Variants in GCNT2 observed in about 807,000 individuals in gnomAD.
The protein encoded by GCNT2 is N-acetyllactosaminide beta-1,6-N-acetylglucosaminyl-transferase.
Under a neutral mutation model 34.2 loss-of-function variants are expected in GCNT2, and 34 were observed. The ratio of observed to expected loss-of-function variants is 1.00; its 90% CI spans 0.76 to 1.32. The LOEUF (loss-of-function observed/expected upper bound fraction) is 1.32. Ranked by LOEUF, GCNT2 falls within the 40% of genes most tolerant of loss-of-function variation. The pLI, the probability that GCNT2 is intolerant of heterozygous loss-of-function variation, is 0.00. For synonymous variants in GCNT2, 212 were observed against 188.0 expected, an observed-to-expected ratio of 1.13 and a Z score of -1.04; for missense variants, 584 against 489.4, an observed-to-expected ratio of 1.19 and a Z score of -1.82.
At chr6:10,529,958 TAAAA>T (rs200010522) in intron 3 of GCNT2, 122 bp downstream of exon 3, 9 of 794,424 alleles carry the variant, frequency 1.1e-5, no homozygotes, top group Non-Finnish European at 1.6e-5. Flanking sequence ...AATGTCAAAT[TAAAA>T]AAAAAATTTC....
chr6:10,605,662 C>T (rs1420939800), intron 3 of GCNT2, among the ~76,000 whole-genome samples: 7 of 152,208 alleles, frequency 4.6e-5, no homozygotes, highest in African/African-American at 1.7e-4. Flanking sequence ...CGCTGGTACA[C>T]ATGAAAGCTA....
At chr6:10,616,740 G>A (rs962364879) in intron 3 of GCNT2, among the ~76,000 whole-genome samples, 36 of 145,666 alleles carry the variant, frequency 2.5e-4, no homozygotes, top group African/African-American at 8.4e-4. Flanking sequence ...AAACCTTGAG[G>A]TAGATACAGA....
At chr6:10,585,063 G>A (rs1252083399) in intron 3 of GCNT2, among the ~76,000 whole-genome samples, 1 of 138,780 alleles carries the variant, frequency 7.2e-6, no homozygotes, top group Admixed American at 7.0e-5. Flanking sequence ...GTGTGTGTGT[G>A]TGTGTGTGTG....
chr6:10,620,632 C>T lies in GCNT2; in HGVS notation c.926-719C>T, dbSNP rs191424055. ...AGGTTGCCCAGGGATCTTCTTACCT[C>T]GGCCTCCTAAAGTGCTGGGATTACA... On this transcript the variant is annotated intron_variant, in intron 3 of 4. Coordinates refer to ENST00000495262, the MANE Select transcript of GCNT2 (RefSeq NM_145649.5). 1.2e-3 allele frequency among the ~76,000 whole-genome samples: 178 copies of T among 152,196 alleles called. 1 individual carries two copies. Among genetic ancestry groups the T allele is most frequent in the African/African-American group, 3.9e-3 (162 of 41,518 alleles).
chr6:10,598,552 C>G (rs1764954134), intron 3 of GCNT2, among the ~76,000 whole-genome samples: 1 of 152,174 alleles, frequency 6.6e-6, no homozygotes, highest in African/African-American at 2.4e-5. Context: ...AGGCCAGCCA[C>G]CCTAGGCAGT....
chr6:10,524,001 T>TA (rs1309382785), intron 1 of GCNT2, among the ~76,000 whole-genome samples: 1 of 138,508 alleles, frequency 7.2e-6, no homozygotes, highest in Non-Finnish European at 1.5e-5. Flanking sequence ...AAACCAAGAC[T>TA]AAGAGGTGTG....
At chr6:10,591,179 CTT>C (rs1296347519) in intron 3 of GCNT2, among the ~76,000 whole-genome samples, 5 of 152,214 alleles carry the variant, frequency 3.3e-5, no homozygotes, top group Non-Finnish European at 5.9e-5. Flanking sequence ...TGACATCTGT[CTT>C]TGTGTTCTCC....
At chr6:10,605,545 C>A (rs927870783) in intron 3 of GCNT2, among the ~76,000 whole-genome samples, 1 of 151,884 alleles carries the variant, frequency 6.6e-6, no homozygotes, top group East Asian at 1.9e-4. Context: ...AATGTCTGGG[C>A]CCCACCTCCA....
intron 3 of GCNT2, among the ~76,000 whole-genome samples, chr6:10,603,353 T>C (rs773798232): frequency 2.6e-5 from 4 of 152,194 alleles, no homozygotes; most frequent in Non-Finnish European, 4.4e-5. Flanking sequence ...AGATGTTTTA[T>C]GAAATGGTAT....
intron 3 of GCNT2, among the ~76,000 whole-genome samples, chr6:10,590,782 G>C (rs1257044816): frequency 6.6e-6 from 1 of 152,120 alleles, no homozygotes; most frequent in African/African-American, 2.4e-5. Context: ...TCGATCTCCT[G>C]ACCTCATGAT....
Position 10,528,768 on chromosome 6 carries a change from G to C in GCNT2, c.-144G>C. The C allele has an allele frequency of 4.1e-6, 3 of 726,336 alleles. No individual in the cohort carries two copies. The highest frequency in any genetic ancestry group is 7.4e-6 in the Non-Finnish European group (3 of 405,742). The allele number at this position is 726,336 out of a possible 1,614,324, so 45.0% of individuals were successfully genotyped here. On this transcript the variant is annotated 5_prime_UTR_variant, in exon 3 of 5. Transcript: ENST00000495262. ...AAGAAAGAAAAAGGACCAGAACCGTGAACTGAAGGGACAGGGAACAGCCAG... is the reference window on the plus strand; with the variant it reads ...AAGAAAGAAAAAGGACCAGAACCGTCAACTGAAGGGACAGGGAACAGCCAG...
intron 3 of GCNT2, among the ~76,000 whole-genome samples, chr6:10,577,451 C>T (rs1166271527): frequency 6.6e-6 from 1 of 152,182 alleles, no homozygotes; most frequent in Non-Finnish European, 1.5e-5. Flanking sequence ...AGCAGTCTGC[C>T]CAGAGCCCCA....
chr6:10,555,831 C>T (rs1762674838), intron 3 of GCNT2: 1 of 985,390 alleles, frequency 1.0e-6, no homozygotes, highest in African/African-American at 1.7e-5. Flanking sequence ...TTTCCTGAAA[C>T]AGCACGTTGG....
At chr6:10,540,461 C>G (rs1397148709) in intron 3 of GCNT2, among the ~76,000 whole-genome samples, 1 of 151,960 alleles carries the variant, frequency 6.6e-6, no homozygotes, top group African/African-American at 2.4e-5. Flanking sequence ...CCTGCCCCAC[C>G]TTATCCACAC....
intron 3 of GCNT2, among the ~76,000 whole-genome samples, chr6:10,615,560 T>C (rs1391861971): frequency 1.3e-5 from 2 of 152,170 alleles, no homozygotes; most frequent in Non-Finnish European, 2.9e-5. Flanking sequence ...GAGATCTACC[T>C]GCCTGTTACA....
intron 4 of GCNT2, among the ~76,000 whole-genome samples, chr6:10,622,281 AC>A (rs1235978187): frequency 1.3e-5 from 2 of 152,172 alleles, no homozygotes; most frequent in Non-Finnish European, 2.9e-5. Context: ...GGCTGCCATA[AC>A]AAAGTGGCAC....
intron 3 of GCNT2, among the ~76,000 whole-genome samples, chr6:10,542,477 G>A (rs1326204052): frequency 1.3e-5 from 2 of 152,130 alleles, no homozygotes; most frequent in Non-Finnish European, 2.9e-5. Flanking sequence ...CCCGGCTAAT[G>A]TAGAATCATT....
At chr6:10,572,047 C>G (rs1763576160) in intron 3 of GCNT2, among the ~76,000 whole-genome samples, 1 of 152,132 alleles carries the variant, frequency 6.6e-6, no homozygotes, top group African/African-American at 2.4e-5. Context: ...ACAATTCTCC[C>G]TGGTCTGCCA....
At chr6:10,597,069 A>G (rs1764883673) in intron 3 of GCNT2, among the ~76,000 whole-genome samples, 1 of 152,082 alleles carries the variant, frequency 6.6e-6, no homozygotes, top group African/African-American at 2.4e-5. Flanking sequence ...TATTTAACCA[A>G]ACTGAGCCTC....
Sources: allele counts gnomAD v4.1 joint callset (sites outside exome capture counted in the v4.1 genomes callset), GRCh38; gene constraint gnomAD v4.1.1; transcripts MANE v1.5; gene names NCBI Gene and HGNC (gene_info 2026-07-23, HGNC 2026-07-21).